The following NRXN3 variants were observed in gnomAD, a reference collection of about 807,000 sequenced individuals.
The protein encoded by NRXN3 is neurexin III.
Under a neutral mutation model 137.6 loss-of-function variants are expected in NRXN3, and 32 were observed. The observed-to-expected ratio is 0.23, with a 90% CI of 0.18 to 0.31. The LOEUF (loss-of-function observed/expected upper bound fraction) is 0.31. Among genes scored for constraint, NRXN3 ranks in the 10% least tolerant of loss-of-function variants. The probability of loss-of-function intolerance (pLI) is 1.00; values close to 1 mark genes in which losing one functional copy is unlikely to be tolerated. For synonymous variants in NRXN3, 798 were observed against 784.5 expected (o/e 1.02, Z -0.29); for missense variants, 1,574 against 2,062.5 (o/e 0.76, Z 4.59).
At chr14:78,623,008 A>G (rs1173506354) in intron 4 of NRXN3, among the ~76,000 whole-genome samples, 2 of 152,204 alleles carry the variant, frequency 1.3e-5, no homozygotes, top group Non-Finnish European at 2.9e-5. Flanking sequence ...TCGTCTCTAC[A>G]AAAAACCCCA....
At chr14:79,289,262 C>T (rs570728179) in intron 15 of NRXN3, among the ~76,000 whole-genome samples, 1 of 152,280 alleles carries the variant, frequency 6.6e-6, no homozygotes, top group African/African-American at 2.4e-5. Flanking sequence ...GAAATCTCCC[C>T]TTATCCAGAT....
chr14:79,195,437 C>T (rs575346183), intron 15 of NRXN3, among the ~76,000 whole-genome samples: 13 of 152,248 alleles, frequency 8.5e-5, no homozygotes, highest in African/African-American at 2.4e-4. Context: ...CACCAGCCCA[C>T]GAGTATACAT....
intron 2 of NRXN3, among the ~76,000 whole-genome samples, chr14:78,249,841 C>G (rs183329003): frequency 2.0e-5 from 3 of 152,042 alleles, no homozygotes; most frequent in Non-Finnish European, 4.4e-5. Flanking sequence ...TTGAACCCCC[C>G]GTTTGGCATA....
intron 6 of NRXN3, among the ~76,000 whole-genome samples, chr14:78,700,582 C>G (rs150079102): frequency 1.3e-5 from 2 of 152,072 alleles, no homozygotes; most frequent in Non-Finnish European, 1.5e-5. Flanking sequence ...AACTACACCC[C>G]CTACTTGCCA....
intron 15 of NRXN3, among the ~76,000 whole-genome samples, chr14:79,298,394 A>C (rs1167025614): frequency 2.0e-5 from 3 of 152,076 alleles, no homozygotes; most frequent in Non-Finnish European, 4.4e-5. Context: ...ATTAGTGCCA[A>C]GTGTGGCTCC....
At chr14:79,252,229 A>C (rs1001767797) in intron 15 of NRXN3, among the ~76,000 whole-genome samples, 2 of 152,184 alleles carry the variant, frequency 1.3e-5, no homozygotes, top group Non-Finnish European at 2.9e-5. Context: ...GATTGGCATA[A>C]CACTAATGCA....
intron 8 of NRXN3, among the ~76,000 whole-genome samples, chr14:78,794,265 C>A (rs967552202): frequency 1.3e-5 from 2 of 152,090 alleles, no homozygotes; most frequent in African/African-American, 4.8e-5. Flanking sequence ...GCCTGTAGTT[C>A]CAGCTACTCA....
chr14:79,371,466 A>G (rs1270074201), intron 15 of NRXN3, among the ~76,000 whole-genome samples: 3 of 152,144 alleles, frequency 2.0e-5, no homozygotes, highest in African/African-American at 7.2e-5. Flanking sequence ...TATTTAAGTG[A>G]CCATCAAACC....
intron 4 of NRXN3, among the ~76,000 whole-genome samples, chr14:78,447,317 C>A (rs17756213): frequency 0.12 from 18,015 of 152,222 alleles, 1,353 homozygotes; most frequent in Middle Eastern, 0.2. Flanking sequence ...GCTGCAATTG[C>A]CTCTCATTCT....
chr14:79,701,853 A>ATGAT (rs1313044114), intron 19 of NRXN3, among the ~76,000 whole-genome samples: 1 of 152,116 alleles, frequency 6.6e-6, no homozygotes, highest in Non-Finnish European at 1.5e-5. Context: ...GCTATGTTAT[A>ATGAT]TGATTGTCAT....
At chr14:79,600,713 C>T (rs78139009) in intron 16 of NRXN3, among the ~76,000 whole-genome samples, 11,416 of 152,096 alleles carry the variant, frequency 0.075, 440 homozygotes, top group Middle Eastern at 0.14. Flanking sequence ...CCTGGCAACG[C>T]GAAATACCAG....
At chr14:78,175,661 C>A (rs895304666) in intron 1 of NRXN3, among the ~76,000 whole-genome samples, 2 of 152,102 alleles carry the variant, frequency 1.3e-5, no homozygotes, top group Non-Finnish European at 2.9e-5. Flanking sequence ...GCTGGGCCAG[C>A]CACAGGTGGC....
At chr14:78,646,498 A>G (rs751503357) in intron 5 of NRXN3, among the ~76,000 whole-genome samples, 29 of 152,206 alleles carry the variant, frequency 1.9e-4, no homozygotes, top group Non-Finnish European at 3.7e-4. Flanking sequence ...GATTGATTTA[A>G]TGTCTTCTAA....
At chr14:78,367,575 G>A (rs1485640822) in intron 4 of NRXN3, among the ~76,000 whole-genome samples, 1 of 152,146 alleles carries the variant, frequency 6.6e-6, no homozygotes, top group Non-Finnish European at 1.5e-5. Context: ...TCTCATGTAT[G>A]TGCCATTATC....
intron 4 of NRXN3, among the ~76,000 whole-genome samples, chr14:78,533,805 A>G (rs771401200): frequency 2.0e-5 from 3 of 152,224 alleles, no homozygotes; most frequent in Non-Finnish European, 2.9e-5. Context: ...TTCTGTTGGT[A>G]TAAAGTACCA....
chr14:78,825,454 T>C lies in NRXN3; in HGVS notation c.2275+15110T>C, dbSNP rs114579154. Among the ~76,000 whole-genome samples, 1,421 of 152,322 alleles carry C rather than the reference T, an allele frequency of 9.3e-3. 18 individuals carry two copies. The highest frequency in any genetic ancestry group is 0.032 in the African/African-American group (1,348 of 41,568). ...AGGTGATTTTTCCAAGCCGTCATTA[T>C]TAGTAATAAGAGCTACAATATCATT... On this transcript the variant is annotated intron_variant, in intron 10 of 20. Coordinates refer to ENST00000335750, the MANE Select transcript of NRXN3 (RefSeq NM_001330195.2).
intron 4 of NRXN3, among the ~76,000 whole-genome samples, chr14:78,442,233 C>A (rs2094281492): frequency 6.7e-6 from 1 of 150,342 alleles, no homozygotes; most frequent in South Asian, 2.1e-4. Flanking sequence ...TGCCACCGTA[C>A]TCCAGCCTGG....
chr14:79,490,164 C>G (rs2153655201), intron 16 of NRXN3, among the ~76,000 whole-genome samples: 1 of 151,084 alleles, frequency 6.6e-6, no homozygotes, highest in Admixed American at 6.6e-5. Context: ...TAGGCAATAA[C>G]AAATGCTGGT....
chr14:78,640,286 T>C (rs17835469), intron 4 of NRXN3, among the ~76,000 whole-genome samples: 9,294 of 152,300 alleles, frequency 0.061, 346 homozygotes, highest in Middle Eastern at 0.15. Context: ...CAAATGTATT[T>C]CTAAAAGATT....
Sources: allele counts gnomAD v4.1 joint callset (sites outside exome capture counted in the v4.1 genomes callset), GRCh38; gene constraint gnomAD v4.1.1; transcripts MANE v1.5; gene names NCBI Gene and HGNC (gene_info 2026-07-23, HGNC 2026-07-21).